The following CDH4 variants were observed in gnomAD, a reference collection of about 807,000 sequenced individuals.
CDH4 encodes cadherin 4.
In CDH4, 33 loss-of-function variants were observed where a neutral mutation model predicts 86.0. The ratio of observed to expected loss-of-function variants is 0.38; its 90% CI spans 0.29 to 0.51. The LOEUF is 0.51. CDH4 is among the 20% of genes least tolerant of loss of function. The pLI, the probability that CDH4 is intolerant of heterozygous loss-of-function variation, is 0.86. For synonymous variants in CDH4, 555 were observed against 549.4 expected (o/e 1.01, Z -0.14); for missense variants, 1,114 against 1,307.4 (o/e 0.85, Z 2.28).
chr20:61,783,320 A>G (rs1044694800), intron 4 of CDH4, among the ~76,000 whole-genome samples: 3 of 152,244 alleles, frequency 2.0e-5, no homozygotes, highest in Admixed American at 1.3e-4. Context: ...GGCACATTCT[A>G]TATGATTTTT....
In CDH4 at chr20:61,283,565, G is replaced by T. The variant is rs57563610; in HGVS notation, c.169+28628G>T. On this transcript the variant is annotated intron_variant, in intron 2 of 15. Coordinates refer to ENST00000614565, the MANE Select transcript of CDH4 (RefSeq NM_001794.5). Reference sequence around the variant, plus strand: ...CGCGTGTGCTGTGGTGTGTGATGTAGGTGCATTTGCACGTGTGTGCTGTGG... The same window carrying T: ...CGCGTGTGCTGTGGTGTGTGATGTATGTGCATTTGCACGTGTGTGCTGTGG... 3.8e-3 allele frequency among the ~76,000 whole-genome samples: 267 copies of T among 70,992 alleles called. 22 individuals carry two copies. Among genetic ancestry groups the T allele is most frequent in the Middle Eastern group, 0.019 (2 of 104 alleles). 46.6% of individuals were successfully genotyped at this position (70,992 alleles called of 152,430 possible). A position where few individuals can be genotyped will look rare whatever the true frequency, so the allele number is the denominator to read the frequency against.
Position 61,801,045 on chromosome 20 carries a change from C to A in CDH4, c.576+27863C>A, listed in dbSNP as rs530114538. ...CCCTTCTCATCTGTCAGTTTGGGCACTGCAACCCCAGGCTTGGTTTTCGGT... is the reference window on the plus strand; with the variant it reads ...CCCTTCTCATCTGTCAGTTTGGGCAATGCAACCCCAGGCTTGGTTTTCGGT... On this transcript the variant is annotated intron_variant, in intron 4 of 15. Transcript: ENST00000614565. Among the ~76,000 whole-genome samples, 4 of 152,290 alleles carry A rather than the reference C, an allele frequency of 2.6e-5. No individual in the cohort carries two copies. In the East Asian group the frequency reaches 7.7e-4, roughly 29 times the overall value.
intron 2 of CDH4, chr20:61,570,019 A>G (rs999822634): frequency 6.6e-6 from 1 of 152,250 alleles, no homozygotes; most frequent in Non-Finnish European, 1.5e-5. Flanking sequence ...CCGATTTTAC[A>G]TGGCCCATTG....
intron 4 of CDH4, among the ~76,000 whole-genome samples, chr20:61,777,468 A>G (rs1555837178): frequency 1.3e-5 from 2 of 152,272 alleles, no homozygotes; most frequent in Non-Finnish European, 2.9e-5. Flanking sequence ...GTGGGCATCC[A>G]AACCGAGCTT....
At chr20:61,679,474 A>G (rs1268902114) in intron 2 of CDH4, among the ~76,000 whole-genome samples, 1 of 152,154 alleles carries the variant, frequency 6.6e-6, no homozygotes, top group African/African-American at 2.4e-5. Context: ...CCACTGGTCC[A>G]AGAAAACACA....
intron 2 of CDH4, among the ~76,000 whole-genome samples, chr20:61,606,877 C>T (rs975505959): frequency 1.3e-5 from 2 of 152,252 alleles, no homozygotes; most frequent in African/African-American, 4.8e-5. Flanking sequence ...CCCTCCAGAC[C>T]AGCTCCAGGC....
intron 2 of CDH4, chr20:61,570,852 T>G: frequency 2.9e-6 from 2 of 696,484 alleles, no homozygotes; most frequent in Non-Finnish European, 5.2e-6. Flanking sequence ...CCAAGTGTGT[T>G]GCGTTTGGAT....
intron 2 of CDH4, among the ~76,000 whole-genome samples, chr20:61,540,338 G>A (rs1291654443): frequency 1.3e-5 from 2 of 152,194 alleles, no homozygotes; most frequent in Admixed American, 6.5e-5. Flanking sequence ...TTGTGCTCTA[G>A]AAGTTGGAAC....
rs568707158 is a variant in CDH4, at chr20:61,670,179, G to A, written c.170-73384G>A. Among the ~76,000 whole-genome samples, 9 of 152,316 alleles carry A rather than the reference G, an allele frequency of 5.9e-5. No homozygotes were observed. The East Asian group carries it at 1.5e-3, about 26-fold the overall frequency. ...GCAGGGAAATATGGATTTCAGGAAT[G>A]GCTAGACTCAGGTGCTCTGCAACAC... On this transcript the variant is annotated intron_variant, in intron 2 of 15. Coordinates refer to ENST00000614565, the MANE Select transcript of CDH4 (RefSeq NM_001794.5).
intron 2 of CDH4, among the ~76,000 whole-genome samples, chr20:61,379,727 A>G (rs2084889856): frequency 6.6e-6 from 1 of 152,194 alleles, no homozygotes; most frequent in Non-Finnish European, 1.5e-5. Flanking sequence ...TGGCCAGGAC[A>G]TTCTTTCCTG....
intron 2 of CDH4, among the ~76,000 whole-genome samples, chr20:61,598,393 C>G (rs1013217740): frequency 1.3e-5 from 2 of 151,658 alleles, no homozygotes; most frequent in African/African-American, 2.4e-5. Context: ...CATGCACCCC[C>G]CAAAACCCCC....
intron 2 of CDH4, among the ~76,000 whole-genome samples, chr20:61,558,646 G>A (rs530638561): frequency 3.9e-5 from 6 of 152,236 alleles, no homozygotes; most frequent in African/African-American, 7.2e-5. Context: ...TTTGAGAAAC[G>A]CTGCAGGCTC....
At chr20:61,833,529 A>T (rs1981722621) in intron 4 of CDH4, among the ~76,000 whole-genome samples, 1 of 152,180 alleles carries the variant, frequency 6.6e-6, no homozygotes, top group African/African-American at 2.4e-5. Flanking sequence ...ATTACTGACA[A>T]CACAAAAAGC....
At chr20:61,655,955 G>T (rs916157653) in intron 2 of CDH4, among the ~76,000 whole-genome samples, 1 of 152,242 alleles carries the variant, frequency 6.6e-6, no homozygotes, top group Non-Finnish European at 1.5e-5. Flanking sequence ...TTGTAAGAGT[G>T]TGAGAGGCTC....
intron 2 of CDH4, among the ~76,000 whole-genome samples, chr20:61,706,497 A>C (rs1183880134): frequency 3.3e-5 from 5 of 152,212 alleles, no homozygotes; most frequent in African/African-American, 1.2e-4. Context: ...GCAGCTGTTC[A>C]GGAACGGAGA....
In CDH4 at chr20:61,574,339, G is replaced by T. The variant is rs568937885; in HGVS notation, c.170-169224G>T. Among the ~76,000 whole-genome samples the T allele has an allele frequency of 5.9e-5, 9 of 152,352 alleles. No homozygotes were observed. The South Asian group carries it at 1.9e-3, about 32-fold the overall frequency. The stretch of plus-strand genomic sequence containing the variant: ...GGATGTGCTTGGTAGAGGCCCCGTG[G>T]GCCCCGTGTGCAACGTGAAATGAAG... On this transcript the variant is annotated intron_variant, in intron 2 of 15. Transcript: ENST00000614565.
chr20:61,775,247 G>A (rs973640402), intron 4 of CDH4, among the ~76,000 whole-genome samples: 1 of 152,118 alleles, frequency 6.6e-6, no homozygotes, highest in Non-Finnish European at 1.5e-5. Context: ...TGGGGCAGGG[G>A]CTGAAGGGTG....
chr20:61,824,089 G>A (rs1424773811), intron 4 of CDH4, among the ~76,000 whole-genome samples: 1 of 152,170 alleles, frequency 6.6e-6, no homozygotes, highest in Non-Finnish European at 1.5e-5. Context: ...TAGAGCAACA[G>A]GCTCCCTGGA....
intron 2 of CDH4, among the ~76,000 whole-genome samples, chr20:61,719,984 T>C (rs551794776): frequency 6.6e-6 from 1 of 152,312 alleles, no homozygotes; most frequent in East Asian, 1.9e-4. Flanking sequence ...GTTACCACTT[T>C]GCACCATGCT....
Sources: allele counts gnomAD v4.1 joint callset (sites outside exome capture counted in the v4.1 genomes callset), GRCh38; gene constraint gnomAD v4.1.1; transcripts MANE v1.5; gene names NCBI Gene and HGNC (gene_info 2026-07-23, HGNC 2026-07-21).